Variants in DAAM2 observed in about 807,000 individuals in gnomAD.
The protein encoded by DAAM2 is dishevelled associated activator of morphogenesis 2.
Under a neutral mutation model 120.7 loss-of-function variants are expected in DAAM2, and 39 were observed. That is an observed-to-expected ratio of 0.32 (90% CI 0.25 to 0.42). DAAM2 has a LOEUF of 0.42. DAAM2 is among the 10% of genes least tolerant of loss of function. The pLI, the probability that DAAM2 is intolerant of heterozygous loss-of-function variation, is 1.00. For missense variants in DAAM2, 1,283 were observed against 1,401.7 expected, an observed-to-expected ratio of 0.92 and a Z score of 1.35; for synonymous variants, 488 against 524.9, an observed-to-expected ratio of 0.93 and a Z score of 0.96.
At chr6:39,810,188 G>T (rs1430892545) in intron 1 of DAAM2, among the ~76,000 whole-genome samples, 3 of 152,166 alleles carry the variant, frequency 2.0e-5, no homozygotes, top group African/African-American at 4.8e-5. Flanking sequence ...CCGGGGGGAA[G>T]CTGAACATTT....
intron 1 of DAAM2, among the ~76,000 whole-genome samples, chr6:39,830,072 G>A (rs1381583330): frequency 6.6e-6 from 1 of 151,844 alleles, no homozygotes; most frequent in Non-Finnish European, 1.5e-5. Flanking sequence ...CCCCCTTTCC[G>A]ACTGGGAGAT....
intron 10 of DAAM2, 86 bp from the exon 11 acceptor site, chr6:39,875,244 C>G: frequency 6.8e-7 from 1 of 1,473,778 alleles, no homozygotes; most frequent in Non-Finnish European, 9.2e-7. Flanking sequence ...CATGCCTCAC[C>G]AGCCAGACCC....
intron 1 of DAAM2, among the ~76,000 whole-genome samples, chr6:39,834,646 C>A (rs1266622753): frequency 6.6e-6 from 1 of 152,186 alleles, no homozygotes; most frequent in Non-Finnish European, 1.5e-5. Context: ...GATTAACTCT[C>A]ACTTTATGTT....
chr6:39,842,613 A>G (rs1015825149), intron 1 of DAAM2, among the ~76,000 whole-genome samples: 1 of 152,200 alleles, frequency 6.6e-6, no homozygotes, highest in African/African-American at 2.4e-5. Flanking sequence ...AGCCGGGGCA[A>G]CAGACAGAGA....
intron 1 of DAAM2, among the ~76,000 whole-genome samples, chr6:39,828,307 C>T (rs918496455): frequency 6.6e-6 from 1 of 152,186 alleles, no homozygotes; most frequent in African/African-American, 2.4e-5. Flanking sequence ...GGGCTGCCCT[C>T]TGCTCCTAAG....
rs751583340 is a variant in DAAM2, at chr6:39,868,831, G to C, written c.771G>C (p.Leu257=). ...CCTGCATTTCCACCTAGACCCTGCT[G>C]AACGAGCTAGACCGAAGTCTGGGCC... is the stretch of plus-strand genomic sequence containing the variant. ...AAERTRFQTL[L]NELDRSLGRY... The change falls in exon 7 of 25, where the codon CTG becomes CTC. Residue 257 remains leucine, a synonymous_variant. Transcript: ENST00000274867. The C allele has an allele frequency of 1.3e-6, 2 of 1,577,532 alleles. No homozygotes were observed. The highest frequency in any genetic ancestry group is 2.7e-5 in the African/African-American group (2 of 73,960).
chr6:39,849,888 G>C (rs1763741415), intron 1 of DAAM2, among the ~76,000 whole-genome samples: 2 of 152,136 alleles, frequency 1.3e-5, no homozygotes, highest in Admixed American at 6.5e-5. Context: ...AGCTGAGCCT[G>C]GGGCCATTTC....
In DAAM2 at chr6:39,883,969, T is replaced by C; in HGVS notation, c.1853T>C (p.Val618Ala). The change falls in exon 15 of 25, where the codon GTC becomes GCC. Residue 618 changes from valine (V) to alanine (A), a missense_variant. Coordinates refer to ENST00000274867, the MANE Select transcript of DAAM2 (RefSeq NM_001201427.2). ...CCCTACCCTGAATTTTAGGAGCGTGTCCCTGGCACCGTATGGAATGAGATT... is the reference window on the plus strand; with the variant it reads ...CCCTACCCTGAATTTTAGGAGCGTGCCCCTGGCACCGTATGGAATGAGATT... Reference protein sequence around the residue: ...FNWVKLNEERVPGTVWNEIDD... With the variant: ...FNWVKLNEERAPGTVWNEIDD... The C allele has an allele frequency of 6.2e-7, 1 of 1,611,942 alleles. No homozygotes were observed. Among genetic ancestry groups the C allele is most frequent in the South Asian group, 1.1e-5 (1 of 90,860 alleles).
intron 1 of DAAM2, among the ~76,000 whole-genome samples, chr6:39,815,002 T>C (rs1021609864): frequency 2.6e-5 from 4 of 152,230 alleles, no homozygotes; most frequent in Non-Finnish European, 5.9e-5. Flanking sequence ...TGAATCTCAC[T>C]GCCACAAACA....
chr6:39,830,158 T>C (rs1404896096), intron 1 of DAAM2, among the ~76,000 whole-genome samples: 5 of 152,282 alleles, frequency 3.3e-5, no homozygotes, highest in South Asian at 2.1e-4. Context: ...TGGGGGTTCA[T>C]AGATGGTTGT....
chr6:39,822,466 T>C (rs1388912496), intron 1 of DAAM2: 2 of 152,182 alleles, frequency 1.3e-5, no homozygotes, highest in African/African-American at 4.8e-5. Flanking sequence ...CATGGTGGAA[T>C]TGGGAAGGTG....
chr6:39,815,915 T>C (rs1424510407), intron 1 of DAAM2, among the ~76,000 whole-genome samples: 1 of 152,214 alleles, frequency 6.6e-6, no homozygotes, highest in Non-Finnish European at 1.5e-5. Flanking sequence ...GTCTTTACTC[T>C]CCAGCCCCAC....
intron 1 of DAAM2, among the ~76,000 whole-genome samples, chr6:39,828,011 A>G (rs1562008392): frequency 6.6e-6 from 1 of 152,114 alleles, no homozygotes; most frequent in East Asian, 1.9e-4. Flanking sequence ...CTCCCCACCA[A>G]TTTCAGGTAG....
At chr6:39,816,186 G>A (rs1417891146) in intron 1 of DAAM2, among the ~76,000 whole-genome samples, 1 of 152,208 alleles carries the variant, frequency 6.6e-6, no homozygotes, top group Non-Finnish European at 1.5e-5. Flanking sequence ...CAGGAGTCTG[G>A]GGCAGAGCCC....
chr6:39,800,923 T>C (rs995299141), intron 1 of DAAM2, among the ~76,000 whole-genome samples: 1 of 152,168 alleles, frequency 6.6e-6, no homozygotes, highest in Non-Finnish European at 1.5e-5. Context: ...TGCTGCCCAC[T>C]GTACTCCATC....
Position 39,868,845 on chromosome 6 carries a change from G to A in DAAM2, c.785G>A (p.Arg262Gln), listed in dbSNP as rs549002342. The A allele has an allele frequency of 3.5e-5, 55 of 1,583,874 alleles. No individual in the cohort carries two copies. Among genetic ancestry groups the A allele is most frequent in the South Asian group, 1.7e-4 (15 of 86,066 alleles). ...RFQTLLNELD[R>Q]SLGRYRDEVN... ...TAGACCCTGCTGAACGAGCTAGACC[G>A]AAGTCTGGGCCGGTACCGGGATGAA... Residue 262 changes from arginine to glutamine, a missense_variant, in exon 7 of 25, where the codon CGA becomes CAA. Arg to Gln is a conservative substitution (Grantham distance 43). This residue lies in a region of DAAM2 where 338 missense variants were observed against 443.9 expected (regional missense o/e 0.76). Transcript: ENST00000274867.
At chr6:39,793,740 A>G (rs1345105522) in intron 1 of DAAM2, among the ~76,000 whole-genome samples, 2 of 152,350 alleles carry the variant, frequency 1.3e-5, no homozygotes, top group African/African-American at 4.8e-5. Context: ...GGAAAAAAGC[A>G]GCAGTGAGGC....
chr6:39,813,808 C>T (rs1003290251), intron 1 of DAAM2, among the ~76,000 whole-genome samples: 1 of 152,186 alleles, frequency 6.6e-6, no homozygotes, highest in African/African-American at 2.4e-5. Context: ...TCTTTTCTCT[C>T]CACATACATT....
At chr6:39,891,806 A>C in intron 19 of DAAM2, 84 bp downstream of exon 19, 1 of 1,015,812 alleles carries the variant, frequency 9.8e-7, no homozygotes. Context: ...ATAGGGGCAG[A>C]GGGAAACCCC....
Sources: gnomAD v4.1 joint callset for allele counts (sites outside exome capture counted in the v4.1 genomes callset) on GRCh38, gnomAD v4.1.1 for gene constraint, gnomAD v4.1.1 regional missense constraint, MANE v1.5 for transcripts, NCBI Gene and HGNC (gene_info 2026-07-23, HGNC 2026-07-21) for gene names.